PCDH15: variants seen among roughly 807,000 people sequenced by gnomAD.
The protein encoded by PCDH15 is protocadherin related 15.
Under a neutral mutation model 178.5 loss-of-function variants are expected in PCDH15, and 129 were observed. That is an observed-to-expected ratio of 0.72 (90% CI 0.63 to 0.84). PCDH15 has a LOEUF of 0.84. Among genes scored for constraint, PCDH15 ranks in the 40% least tolerant of loss-of-function variants. The probability of loss-of-function intolerance (pLI) is 0.00; values close to 1 mark genes in which losing one functional copy is unlikely to be tolerated. For synonymous variants in PCDH15, 800 were observed against 732.0 expected, an observed-to-expected ratio of 1.09 and a Z score of -1.50; for missense variants, 2,230 against 2,099.9, an observed-to-expected ratio of 1.06 and a Z score of -1.21.
At position 55,225,652 on chromosome 10, in the gene PCDH15, A is replaced by T. The variant is rs559697613; in HGVS notation, c.-155-59001T>A. ...GTGTGTGTTTGTGTGTGTGTGTGTG[A>T]GAGAGAGAGAGAGAGAGAGAAACGG... On this transcript the variant is annotated intron_variant, in intron 1 of 5. Transcript: ENST00000458638. Among the ~76,000 whole-genome samples the T allele has an allele frequency of 1.4e-3, 209 of 145,488 alleles. 1 individual carries two copies. Among genetic ancestry groups the T allele is most frequent in the Middle Eastern group, 0.014 (4 of 282 alleles).
At chr10:53,961,176 G>C (rs1462152577) in intron 22 of PCDH15, among the ~76,000 whole-genome samples, 3 of 151,906 alleles carry the variant, frequency 2.0e-5, no homozygotes, top group African/African-American at 7.3e-5. Context: ...TCTCAGGAAA[G>C]ATGAAGAATG....
At chr10:54,753,384 A>G (rs1187606360) in intron 1 of PCDH15, among the ~76,000 whole-genome samples, 1 of 152,054 alleles carries the variant, frequency 6.6e-6, no homozygotes, top group Non-Finnish European at 1.5e-5. Context: ...GGGTTTCACC[A>G]TGCTGCCCAG....
intron 2 of PCDH15, among the ~76,000 whole-genome samples, chr10:54,610,869 A>G (rs2092938306): frequency 6.6e-6 from 1 of 151,970 alleles, no homozygotes; most frequent in South Asian, 2.1e-4. Flanking sequence ...GGAACAATGC[A>G]TCTATCTGCT....
chr10:53,957,196 G>C lies in PCDH15; in HGVS notation c.3122+2536C>G, dbSNP rs1312053052. On this transcript the variant is annotated intron_variant, in intron 23 of 37. Coordinates refer to ENST00000644397, the MANE Select transcript of PCDH15 (RefSeq NM_001384140.1). ...CTCTTGGAGTTTCCAAAGATAATTA[G>C]ACTTGCCGCAAGGGGCTTTGAAGAA... Among the ~76,000 whole-genome samples the C allele has an allele frequency of 2.0e-5, 3 of 152,272 alleles. No homozygotes were observed. In the East Asian group the frequency reaches 5.8e-4, roughly 29 times the overall value.
At chr10:55,583,616 T>A (rs918833448) in intron 2 of PCDH15, among the ~76,000 whole-genome samples, 2 of 151,994 alleles carry the variant, frequency 1.3e-5, no homozygotes, top group Non-Finnish European at 2.9e-5. Flanking sequence ...GTATTTTTAG[T>A]AGAGACAGAG....
chr10:54,668,321 G>A (rs1316831288), intron 1 of PCDH15, among the ~76,000 whole-genome samples: 1 of 152,098 alleles, frequency 6.6e-6, no homozygotes, highest in African/African-American at 2.4e-5. Context: ...CATGAAAATA[G>A]CAGCTAGCAT....
At chr10:54,915,649 T>G (rs1954890058) in intron 2 of PCDH15, among the ~76,000 whole-genome samples, 2 of 152,146 alleles carry the variant, frequency 1.3e-5, no homozygotes, top group South Asian at 4.1e-4. Flanking sequence ...CATGTGTAAT[T>G]TGAATAAGTT....
intron 1 of PCDH15, among the ~76,000 whole-genome samples, chr10:54,764,104 A>AAT (rs1948227856): frequency 6.6e-6 from 1 of 152,160 alleles, no homozygotes; most frequent in South Asian, 2.1e-4. Flanking sequence ...AAGAAAAATA[A>AAT]ATATATATTT....
rs143208244 is a variant in PCDH15 at position 53,833,701 on chromosome 10, C to T, written c.3984-2168G>A. Reference sequence around the variant, plus strand: ...ATAATAAACTCTTGAATTCTTTTTTCGATTTTTTGCTTCTGTTATAAATAC... The same window carrying T: ...ATAATAAACTCTTGAATTCTTTTTTTGATTTTTTGCTTCTGTTATAAATAC... On this transcript the variant is annotated intron_variant, in intron 29 of 37. Transcript: ENST00000644397. Among the ~76,000 whole-genome samples the T allele has an allele frequency of 1.3e-4, 19 of 151,808 alleles. 1 individual carries two copies. Among genetic ancestry groups the T allele is most frequent in the East Asian group, 1.9e-4 (1 of 5,162 alleles).
In PCDH15 at chr10:53,840,434, C is replaced by T. The variant is rs778712017; in HGVS notation, c.3869G>A (p.Gly1290Glu). 6.2e-7 allele frequency: 1 copy of T among 1,614,044 alleles called. No homozygotes were observed. Among genetic ancestry groups the T allele is most frequent in the Non-Finnish European group, 8.5e-7 (1 of 1,179,940 alleles). Residue 1290 changes from glycine (G) to glutamate (E), a missense_variant, in exon 29 of 38, where the codon GGA (glycine) becomes GAA (glutamate). Coordinates refer to ENST00000644397, the MANE Select transcript of PCDH15 (RefSeq NM_001384140.1). Reference protein sequence around the residue: ...PGAKVVVESIGARRHGDAFSL... With the variant: ...PGAKVVVESIEARRHGDAFSL... Reference sequence around the variant, plus strand: ...AAAGGCATCTCCATGCCGGCGAGCTCCAATGGACTCCACTACGACCTTGGC... The same window carrying T: ...AAAGGCATCTCCATGCCGGCGAGCTTCAATGGACTCCACTACGACCTTGGC...
chr10:54,800,440 G>T (rs1167708995), intron 1 of PCDH15, among the ~76,000 whole-genome samples: 1 of 152,112 alleles, frequency 6.6e-6, no homozygotes, highest in Admixed American at 6.6e-5. Flanking sequence ...AAAAAATACT[G>T]TTCATTGTGA....
At position 54,520,765 on chromosome 10, in the gene PCDH15, G is replaced by A. The variant is rs533444566; in HGVS notation, c.157+7047C>T. ...TGCTGCTATAAAGACACATGCACACGTATGTTTATTGCGGCATTATTCACA... is the reference window on the plus strand; with the variant it reads ...TGCTGCTATAAAGACACATGCACACATATGTTTATTGCGGCATTATTCACA... On this transcript the variant is annotated intron_variant, in intron 3 of 37. Transcript: ENST00000644397. Among the ~76,000 whole-genome samples the A allele has an allele frequency of 5.3e-5, 8 of 150,550 alleles. No homozygotes were observed. In the South Asian group the frequency reaches 1.1e-3, roughly 20 times the overall value.
chr10:54,283,499 A>AT (rs1042244289), intron 8 of PCDH15, among the ~76,000 whole-genome samples: 3 of 152,134 alleles, frequency 2.0e-5, no homozygotes, highest in African/African-American at 7.2e-5. Flanking sequence ...GAGCACTGAG[A>AT]TTTTAAAACT....
intron 2 of PCDH15, among the ~76,000 whole-genome samples, chr10:55,516,407 G>A (rs895784990): frequency 5.3e-5 from 8 of 152,002 alleles, no homozygotes; most frequent in African/African-American, 7.2e-5. Flanking sequence ...ACCCAGTCTC[G>A]AGCATGTCTT....
At chr10:55,327,272 T>G (rs765562860) in intron 2 of PCDH15, among the ~76,000 whole-genome samples, 4 of 152,130 alleles carry the variant, frequency 2.6e-5, no homozygotes, top group Non-Finnish European at 5.9e-5. Context: ...GGTGCCTTGA[T>G]GATGAACTTC....
chr10:54,486,379 AATCT>A (rs1486917250), intron 3 of PCDH15: 8 of 152,068 alleles, frequency 5.3e-5, no homozygotes, highest in African/African-American at 1.2e-4. Flanking sequence ...GGATATTTGA[AATCT>A]ATCAATATTT....
intron 3 of PCDH15, among the ~76,000 whole-genome samples, chr10:54,392,567 G>A (rs1393554806): frequency 6.7e-6 from 1 of 148,950 alleles, no homozygotes; most frequent in Non-Finnish European, 1.5e-5. Flanking sequence ...CATATTGATA[G>A]TATTTATAAC....
chr10:55,043,953 A>G (rs1251768045), intron 2 of PCDH15, among the ~76,000 whole-genome samples: 1 of 152,046 alleles, frequency 6.6e-6, no homozygotes, highest in African/African-American at 2.4e-5. Flanking sequence ...GGTAAAAAGC[A>G]TTTGATATAA....
intron 2 of PCDH15, among the ~76,000 whole-genome samples, chr10:54,584,960 GCAAATGGTAGGTTTGCTTCAAC>G (rs1252330638): frequency 3.9e-5 from 6 of 152,090 alleles, no homozygotes; most frequent in Non-Finnish European, 8.8e-5. Flanking sequence ...CATGTAACAA[GCAAATGGTAGGTTTGCTTCAAC>G]CAAATGGTAG....
Sources: allele counts gnomAD v4.1 joint callset (sites outside exome capture counted in the v4.1 genomes callset), GRCh38; gene constraint gnomAD v4.1.1; transcripts MANE v1.5; gene names NCBI Gene and HGNC (gene_info 2026-07-23, HGNC 2026-07-21).